The following KCNIP4 variants were observed in gnomAD, a reference collection of about 807,000 sequenced individuals.
KCNIP4 encodes the protein Kv channel-interacting protein 4.
A neutral mutation model predicts 34.0 loss-of-function variants in KCNIP4; 12 were observed. The observed-to-expected ratio is 0.35, with a 90% CI of 0.23 to 0.57. The LOEUF (loss-of-function observed/expected upper bound fraction) is 0.57. Among genes scored for constraint, KCNIP4 ranks in the 20% least tolerant of loss-of-function variants. The probability of loss-of-function intolerance (pLI) is 0.83; values close to 1 mark genes in which losing one functional copy is unlikely to be tolerated. For synonymous variants in KCNIP4, 124 were observed against 102.2 expected, an observed-to-expected ratio of 1.21 and a Z score of -1.29; for missense variants, 238 against 311.7, an observed-to-expected ratio of 0.76 and a Z score of 1.78.
At chr4:20,983,781 G>A (rs1468897411) in intron 1 of KCNIP4, 4 of 1,515,558 alleles carry the variant, frequency 2.6e-6, no homozygotes, top group East Asian at 2.5e-5. Context: ...AACCAGACCT[G>A]CCCAACAGCA....
chr4:21,120,629 T>C (rs1272200958), intron 1 of KCNIP4, among the ~76,000 whole-genome samples: 1 of 152,128 alleles, frequency 6.6e-6, no homozygotes, highest in Non-Finnish European at 1.5e-5. Context: ...CTACCATTTA[T>C]AAAACCATCA....
At chr4:21,241,386 T>C (rs182891666) in intron 1 of KCNIP4, among the ~76,000 whole-genome samples, 43 of 152,326 alleles carry the variant, frequency 2.8e-4, no homozygotes, top group Non-Finnish European at 5.0e-4. Context: ...GCTTCTTCTT[T>C]TGAGTGGTGA....
At chr4:21,076,517 T>C (rs1745499337) in intron 1 of KCNIP4, among the ~76,000 whole-genome samples, 2 of 152,166 alleles carry the variant, frequency 1.3e-5, no homozygotes, top group African/African-American at 4.8e-5. Flanking sequence ...CTGTGTCTCT[T>C]TTCAGCATTT....
intron 1 of KCNIP4, among the ~76,000 whole-genome samples, chr4:21,757,513 A>G (rs1226068499): frequency 6.6e-6 from 1 of 152,148 alleles, no homozygotes; most frequent in East Asian, 1.9e-4. Context: ...TCTATATGCA[A>G]TTTGAAAATG....
intron 1 of KCNIP4, among the ~76,000 whole-genome samples, chr4:21,046,562 G>A (rs547713924): frequency 5.7e-5 from 6 of 105,832 alleles, no homozygotes; most frequent in African/African-American, 2.8e-4. Flanking sequence ...ACTGTTGAGG[G>A]ACAGAGTTAC....
rs114036056 is a variant in KCNIP4, at chr4:21,904,971, T to C, written c.61+43600A>G. Among the ~76,000 whole-genome samples the C allele has an allele frequency of 5.4e-3, 821 of 152,238 alleles. 13 individuals carry two copies. Among genetic ancestry groups the C allele is most frequent in the African/African-American group, 0.019 (782 of 41,532 alleles). On this transcript the variant is annotated intron_variant, in intron 1 of 8. Transcript: ENST00000382152. Reference sequence around the variant, plus strand: ...GTACTTAGAACACAGTGATTTTCAATAGATGTTAGTGATTAATTTTTACCC... The same window carrying C: ...GTACTTAGAACACAGTGATTTTCAACAGATGTTAGTGATTAATTTTTACCC...
At chr4:21,291,056 G>T (rs1174623938) in intron 1 of KCNIP4, among the ~76,000 whole-genome samples, 2 of 152,138 alleles carry the variant, frequency 1.3e-5, no homozygotes, top group East Asian at 3.9e-4. Context: ...ATTGTAGTCA[G>T]GGTGTTTTCC....
chr4:21,396,910 G>T (rs990265888), intron 1 of KCNIP4, among the ~76,000 whole-genome samples: 3 of 152,092 alleles, frequency 2.0e-5, no homozygotes, highest in Non-Finnish European at 4.4e-5. Context: ...TCAAATTTCT[G>T]GTGTGCAGAA....
At chr4:21,626,652 T>C (rs1297426873) in intron 1 of KCNIP4, among the ~76,000 whole-genome samples, 1 of 152,104 alleles carries the variant, frequency 6.6e-6, no homozygotes, top group Non-Finnish European at 1.5e-5. Flanking sequence ...CCCATCTCAC[T>C]CAAACCCTTC....
chr4:20,775,993 T>C (rs1452673455), intron 3 of KCNIP4, among the ~76,000 whole-genome samples: 2 of 152,200 alleles, frequency 1.3e-5, no homozygotes, highest in Non-Finnish European at 1.5e-5. Flanking sequence ...TATATACAAA[T>C]GTTGTCTTCT....
At position 20,729,655 on chromosome 4, in the gene KCNIP4, T is replaced by TTTCTGGAAATTAATGAAAA. The variant is rs1747403834; in HGVS notation, c.*426_*427insTTTTCATTAATTTCCAGAA. 1 of 139,482 alleles carries TTTCTGGAAATTAATGAAAA rather than the reference T, an allele frequency of 7.2e-6. No individual in the cohort carries two copies. The highest frequency in any genetic ancestry group is 2.6e-5 in the African/African-American group (1 of 38,450). The allele number at this position is 139,482 out of a possible 1,614,324, so 8.6% of individuals were successfully genotyped here. ...TACAGCATTCAAACATGAAAATTAATTTAATTTCTGGAAATTAAATGCAGA... is the reference window on the plus strand; with the variant it reads ...TACAGCATTCAAACATGAAAATTAATTTCTGGAAATTAATGAAAATTAATTTCTGGAAATTAAATGCAGA... On this transcript the variant is annotated 3_prime_UTR_variant, in exon 9 of 9. Coordinates refer to ENST00000382152, the MANE Select transcript of KCNIP4 (RefSeq NM_025221.6).
intron 1 of KCNIP4, among the ~76,000 whole-genome samples, chr4:21,013,964 C>T (rs1230646133): frequency 6.6e-6 from 1 of 152,136 alleles, no homozygotes; most frequent in African/African-American, 2.4e-5. Flanking sequence ...TGAGCCTTCA[C>T]AGAATCCTTC....
intron 1 of KCNIP4, among the ~76,000 whole-genome samples, chr4:21,089,760 A>G: frequency 6.6e-6 from 1 of 151,930 alleles, no homozygotes; most frequent in Admixed American, 6.6e-5. Context: ...GTATTCTCCT[A>G]ACTAGTATCT....
At chr4:21,206,090 GC>G (rs1756833853) in intron 1 of KCNIP4, among the ~76,000 whole-genome samples, 1 of 152,094 alleles carries the variant, frequency 6.6e-6, no homozygotes, top group African/African-American at 2.4e-5. Flanking sequence ...ACATTCATTT[GC>G]CCTTTTCCAT....
chr4:21,748,186 A>T (rs892383309), intron 1 of KCNIP4, among the ~76,000 whole-genome samples: 2 of 152,172 alleles, frequency 1.3e-5, no homozygotes, highest in Non-Finnish European at 1.5e-5. Flanking sequence ...ATGATGCCAC[A>T]TTTCACAAAA....
At chr4:21,823,549 T>C (rs1360842821) in intron 1 of KCNIP4, among the ~76,000 whole-genome samples, 2 of 151,152 alleles carry the variant, frequency 1.3e-5, no homozygotes, top group African/African-American at 2.4e-5. Context: ...CCAGATCTTA[T>C]ACATCTCAAT....
intron 1 of KCNIP4, among the ~76,000 whole-genome samples, chr4:21,842,237 C>T (rs28740999): frequency 0.014 from 2,143 of 152,090 alleles, 47 homozygotes; most frequent in African/African-American, 0.048. Context: ...AAATGCCTAC[C>T]ATATATGTCT....
intron 2 of KCNIP4, among the ~76,000 whole-genome samples, chr4:20,869,798 A>G (rs1307492722): frequency 6.6e-6 from 1 of 152,096 alleles, no homozygotes; most frequent in African/African-American, 2.4e-5. Context: ...TAGAATATTT[A>G]GGAGTGAGGG....
At chr4:21,630,500 C>T (rs566773942) in intron 1 of KCNIP4, among the ~76,000 whole-genome samples, 1 of 151,436 alleles carries the variant, frequency 6.6e-6, no homozygotes, top group Admixed American at 6.6e-5. Context: ...ATTTTCTTCT[C>T]TATCATCACC....
Sources: allele counts gnomAD v4.1 joint callset (sites outside exome capture counted in the v4.1 genomes callset), GRCh38; gene constraint gnomAD v4.1.1; transcripts MANE v1.5; gene names NCBI Gene and HGNC (gene_info 2026-07-23, HGNC 2026-07-21).